SLC5A11: variants seen among roughly 807,000 people sequenced by gnomAD.
SLC5A11 encodes the protein sodium/myo-inositol cotransporter 2.
A neutral mutation model predicts 69.8 loss-of-function variants in SLC5A11; 48 were observed. That is an observed-to-expected ratio of 0.69 (90% CI 0.55 to 0.87). The LOEUF (loss-of-function observed/expected upper bound fraction) is 0.87. Ranked by LOEUF, SLC5A11 falls within the 40% of genes least tolerant of loss-of-function variation. The pLI, the probability that SLC5A11 is intolerant of heterozygous loss-of-function variation, is 0.00. For synonymous variants in SLC5A11, 319 were observed against 342.4 expected (o/e 0.93, Z 0.75); for missense variants, 784 against 866.1 (o/e 0.91, Z 1.19).
chr16:24,897,926 C>T (rs2049294274), intron 9 of SLC5A11, 48 bp from the exon 11 acceptor site: 1 of 1,601,718 alleles, frequency 6.2e-7, no homozygotes, highest in East Asian at 2.2e-5. Flanking sequence ...GGGACACAAC[C>T]AAACTATATC....
intron 9 of SLC5A11, among the ~76,000 whole-genome samples, chr16:24,891,708 A>G (rs139385735): frequency 7.0e-4 from 107 of 152,246 alleles, no homozygotes; most frequent in African/African-American, 2.5e-3. Context: ...CCTATTGGAC[A>G]TCATTTGTTC....
chr16:24,850,412 T>C (rs968137927), intron 1 of SLC5A11, among the ~76,000 whole-genome samples: 7 of 152,172 alleles, frequency 4.6e-5, no homozygotes. Flanking sequence ...CTTTTCCTCT[T>C]GTAGGGCTGC....
chr16:24,890,079 CAG>C (rs1171754828), intron 8 of SLC5A11, among the ~76,000 whole-genome samples: 10 of 152,104 alleles, frequency 6.6e-5, no homozygotes, highest in Admixed American at 3.3e-4. Flanking sequence ...TTAGCACACA[CAG>C]GGGAGAATTA....
exon 14 of SLC5A11, chr16:24,908,894 G>A (rs956249956): frequency 6.2e-7 from 1 of 1,613,310 alleles, no homozygotes; most frequent in African/African-American, 1.3e-5. Context: ...GCCTTCTGGG[G>A]CCTGATCTCG....
intron 2 of SLC5A11, among the ~76,000 whole-genome samples, chr16:24,862,370 A>G (rs2046625766): frequency 6.6e-6 from 1 of 152,258 alleles, no homozygotes; most frequent in African/African-American, 2.4e-5. Context: ...CATAAAATAA[A>G]TGTTTGTAGC....
chr16:24,848,991 T>G (rs937354930), intron 1 of SLC5A11, among the ~76,000 whole-genome samples: 1 of 152,112 alleles, frequency 6.6e-6, no homozygotes, highest in Non-Finnish European at 1.5e-5. Flanking sequence ...GTGAATAGAT[T>G]CTGGGAGGTG....
At chr16:24,899,544 C>T (rs867609019) in intron 10 of SLC5A11, among the ~76,000 whole-genome samples, 2 of 151,978 alleles carry the variant, frequency 1.3e-5, no homozygotes, top group African/African-American at 4.8e-5. Flanking sequence ...GCTGGGACTA[C>T]AGGCATGCAC....
In SLC5A11 at chr16:24,897,931, T is replaced by A. The variant is rs1481079445; in HGVS notation, c.871-43T>A. The A allele has an allele frequency of 1.2e-5, 20 of 1,606,738 alleles. No homozygotes were observed. In the Admixed American group the frequency reaches 1.5e-4, roughly 12 times the overall value. ...GATTTGGGTGGGGACACAACCAAAC[T>A]ATATCAGCATTCCCAGTTTCCAACC... On this transcript the variant is annotated intron_variant, in intron 9 of 15. Coordinates refer to ENST00000347898, the Ensembl canonical transcript of SLC5A11.
At chr16:24,886,097 T>TGC (rs2048380236) in intron 8 of SLC5A11, among the ~76,000 whole-genome samples, 1 of 151,184 alleles carries the variant, frequency 6.6e-6, no homozygotes, top group Non-Finnish European at 1.5e-5. Flanking sequence ...TGCAGTGGCA[T>TGC]GATCTTGGCT....
chr16:24,910,572 T>C (rs1032299985), intron 15 of SLC5A11, 95 bp downstream of exon 16: 20 of 1,351,556 alleles, frequency 1.5e-5, no homozygotes, highest in Middle Eastern at 3.7e-4. Context: ...GCCAGGAAAG[T>C]GGGCAGACTT....
intron 3 of SLC5A11, among the ~76,000 whole-genome samples, chr16:24,868,967 G>A (rs924745265): frequency 6.0e-5 from 9 of 150,802 alleles, no homozygotes; most frequent in African/African-American, 2.0e-4. Context: ...TCCCGGGCTC[G>A]AGCGATTCTC....
chr16:24,902,208 T>C (rs2049682474), intron 10 of SLC5A11, among the ~76,000 whole-genome samples: 1 of 152,164 alleles, frequency 6.6e-6, no homozygotes, highest in Non-Finnish European at 1.5e-5. Context: ...TCAGAGCTAC[T>C]TCTGACAAGG....
chr16:24,909,844 A>T (rs2050376398), intron 14 of SLC5A11, among the ~76,000 whole-genome samples: 2 of 151,008 alleles, frequency 1.3e-5, no homozygotes, highest in African/African-American at 4.9e-5. Flanking sequence ...AAAAAAAAAA[A>T]AAAAAAAAGT....
At chr16:24,856,300 C>CA (rs2059526302) in intron 1 of SLC5A11, among the ~76,000 whole-genome samples, 1 of 152,106 alleles carries the variant, frequency 6.6e-6, no homozygotes, top group South Asian at 2.1e-4. Context: ...AACCTACCTT[C>CA]AGATTGCATA....
chr16:24,893,462 A>G (rs1264075915), intron 9 of SLC5A11, among the ~76,000 whole-genome samples: 1 of 151,904 alleles, frequency 6.6e-6, no homozygotes, highest in Admixed American at 6.6e-5. Flanking sequence ...GCCAGAGACA[A>G]TTTCACCTGC....
chr16:24,866,590 A>AT lies in SLC5A11; in HGVS notation c.208-3311_208-3310insT, dbSNP rs1228259124. 1.7e-4 allele frequency among the ~76,000 whole-genome samples: 25 copies of AT among 151,158 alleles called. No homozygotes were observed. In the East Asian group the frequency reaches 4.6e-3, roughly 28 times the overall value. ...AGATCCTGTCTAAAAAAAAAAAAAA[A>AT]GATACGAATGACTGAAAGTAAAAGT... On this transcript the variant is annotated intron_variant, in intron 3 of 15. Coordinates refer to ENST00000347898, the Ensembl canonical transcript of SLC5A11.
chr16:24,897,979 T>C, exon 10 of SLC5A11: 1 of 1,614,014 alleles, frequency 6.2e-7, no homozygotes, highest in Non-Finnish European at 8.5e-7. Flanking sequence ...TCCAGGTGAT[T>C]GTCCAGCGGA....
intron 6 of SLC5A11, 37 bp from the exon 8 acceptor site, chr16:24,877,221 G>C (rs532747268): frequency 6.2e-7 from 1 of 1,608,562 alleles, no homozygotes; most frequent in Non-Finnish European, 8.5e-7. Flanking sequence ...TCATTCATTC[G>C]TTCATTTGTT....
At position 24,910,492 on chromosome 16, in the gene SLC5A11, T is replaced by C; in HGVS notation, c.1822+15T>C. 1.2e-6 allele frequency: 2 copies of C among 1,612,266 alleles called. No individual in the cohort carries two copies. The highest frequency in any genetic ancestry group is 1.1e-5 in the South Asian group (1 of 90,922). ...AACCCACAGCTGTGAGTAGCTTCTC[T>C]CCTCAGTTACAGCAAGAAGGAGTAC... is the stretch of plus-strand genomic sequence containing the variant. On this transcript the variant is annotated intron_variant, in intron 15 of 15. Coordinates refer to ENST00000347898, the Ensembl canonical transcript of SLC5A11.
Sources: gnomAD v4.1 joint callset for allele counts (sites outside exome capture counted in the v4.1 genomes callset) on GRCh38, gnomAD v4.1.1 for gene constraint, MANE v1.5 for transcripts, NCBI Gene and HGNC (gene_info 2026-07-23, HGNC 2026-07-21) for gene names.